Variants in MAX observed in about 807,000 individuals in gnomAD.
MAX encodes the protein MYC associated transcriptional regulator X.
A neutral mutation model predicts 22.3 loss-of-function variants in MAX; 3 were observed. The ratio of observed to expected loss-of-function variants is 0.13; its 90% CI spans 0.06 to 0.35. The LOEUF (loss-of-function observed/expected upper bound fraction) is 0.35, where lower values mean the gene tolerates loss of function less well. MAX is among the 10% of genes least tolerant of loss of function. The pLI is 1.00. For synonymous variants in MAX, 72 were observed against 77.7 expected, an observed-to-expected ratio of 0.93 and a Z score of 0.39; for missense variants, 119 against 209.4, an observed-to-expected ratio of 0.57 and a Z score of 2.66.
At chr14:65,008,501 C>A (rs1411914684) in intron 3 of MAX, among the ~76,000 whole-genome samples, 4 of 152,226 alleles carry the variant, frequency 2.6e-5, no homozygotes, top group Non-Finnish European at 5.9e-5. Context: ...CACAAATATA[C>A]AGTTACCGAT....
chr14:65,098,136 C>T (rs2063721456), intron 2 of MAX, among the ~76,000 whole-genome samples: 1 of 152,166 alleles, frequency 6.6e-6, no homozygotes, highest in Non-Finnish European at 1.5e-5. Flanking sequence ...TTCTTTTAGA[C>T]ATAAGAACAA....
At position 65,077,756 on chromosome 14, in the gene MAX, G is replaced by C. The variant is rs371900351; in HGVS notation, c.295+157C>G. 1.7e-4 allele frequency: 273 copies of C among 1,611,422 alleles called. No individual in the cohort carries two copies. The highest frequency in any genetic ancestry group is 2.3e-4 in the Non-Finnish European group (267 of 1,179,268). ...GCGCCTCAGGTCCTTCCTCAGGACG[G>C]CTCTAACACTCAGTTACTCAGGCCC... On this transcript the variant is annotated intron_variant, in intron 4 of 4. Transcript: ENST00000358664. The surrounding 1 kb of genome is among the most constrained non-coding windows in gnomAD (Gnocchi z 6.3).
intron 3 of MAX, chr14:65,015,807 T>TG: frequency 6.8e-7 from 1 of 1,469,858 alleles, no homozygotes; most frequent in Admixed American, 1.8e-5. Context: ...TTGTTTGGAA[T>TG]GGAAAAAAAC....
intron 3 of MAX, among the ~76,000 whole-genome samples, chr14:65,018,836 C>T (rs1472308563): frequency 2.0e-5 from 3 of 146,962 alleles, no homozygotes; most frequent in South Asian, 2.1e-4. Flanking sequence ...AAAGGCCAGG[C>T]GCGGTGGCTC....
chr14:65,056,635 T>A (rs140049746), intron 3 of MAX, among the ~76,000 whole-genome samples: 67 of 152,358 alleles, frequency 4.4e-4, no homozygotes, highest in Middle Eastern at 3.4e-3. Context: ...CTGCGAATTG[T>A]CTGCCAGTTC....
At chr14:65,098,505 T>C (rs575379671) in intron 2 of MAX, among the ~76,000 whole-genome samples, 1 of 152,214 alleles carries the variant, frequency 6.6e-6, no homozygotes, top group East Asian at 1.9e-4. Flanking sequence ...GGAAAAAAAA[T>C]TGCATTTCCT....
intron 2 of MAX, among the ~76,000 whole-genome samples, chr14:65,097,288 A>G (rs1016782778): frequency 6.6e-6 from 1 of 152,234 alleles, no homozygotes; most frequent in African/African-American, 2.4e-5. Context: ...ATCTAGGCTA[A>G]GGAGGTCTGT....
chr14:65,071,679 G>T (rs899271679), downstream of MAX, among the ~76,000 whole-genome samples: 2 of 152,248 alleles, frequency 1.3e-5, no homozygotes, highest in Non-Finnish European at 2.9e-5. This position sits in a 1 kb window ranked among gnomAD's most constrained non-coding sequence, Gnocchi z 4.2. Flanking sequence ...TGGCATGGCA[G>T]TCCAGACAGG....
In MAX at chr14:65,078,514, T is replaced by C. The variant is rs2063120954; in HGVS notation, c.172-478A>G. Among the ~76,000 whole-genome samples the C allele has an allele frequency of 6.7e-6, 1 of 149,426 alleles. No homozygotes were observed. Among genetic ancestry groups the C allele is most frequent in the African/African-American group, 2.5e-5 (1 of 40,582 alleles). ...GTGTGAGCCACTGCGCCCAGCCTGTTGTTGTTGTTGTTGTTGTTGTTTTTT... is the reference window on the plus strand; with the variant it reads ...GTGTGAGCCACTGCGCCCAGCCTGTCGTTGTTGTTGTTGTTGTTGTTTTTT... On this transcript the variant is annotated intron_variant, in intron 3 of 4. Coordinates refer to ENST00000358664, the MANE Select transcript of MAX (RefSeq NM_002382.5). The surrounding 1 kb of genome is among the most constrained non-coding windows in gnomAD (Gnocchi z 6.4).
Position 65,079,942 on chromosome 14 carries a change from A to C in MAX, c.172-1906T>G, listed in dbSNP as rs1049958432. Among the ~76,000 whole-genome samples the C allele has an allele frequency of 1.3e-5, 2 of 152,214 alleles. No homozygotes were observed. Among genetic ancestry groups the C allele is most frequent in the African/African-American group, 4.8e-5 (2 of 41,452 alleles). The stretch of plus-strand genomic sequence containing the variant: ...AGGTGCAAATTACGTACAAGATACT[A>C]GGCAGATACTGTGGGGAAACAAAAT... On this transcript the variant is annotated intron_variant, in intron 3 of 4. Transcript: ENST00000358664. This position sits in a 1 kb window ranked among gnomAD's most constrained non-coding sequence, Gnocchi z 4.5.
chr14:65,048,405 T>C (rs1027237808), intron 3 of MAX, among the ~76,000 whole-genome samples: 3 of 152,200 alleles, frequency 2.0e-5, no homozygotes, highest in Admixed American at 6.5e-5. Flanking sequence ...ATTGATCATA[T>C]TGCTAACTAA....
chr14:65,093,999 G>A lies in MAX; in HGVS notation c.64-184C>T. ...AGGCTCTGCTAAAGGGGGAGAAAGG[G>A]GTGAGCAACGCTTGCGACAGGAACA... On this transcript the variant is annotated intron_variant, in intron 2 of 4. Coordinates refer to ENST00000358664, the MANE Select transcript of MAX (RefSeq NM_002382.5). The surrounding 1 kb of genome is among the most constrained non-coding windows in gnomAD (Gnocchi z 4.4). 1 of 652,850 alleles carries A rather than the reference G, an allele frequency of 1.5e-6. No individual in the cohort carries two copies. Among genetic ancestry groups the A allele is most frequent in the South Asian group, 1.6e-5 (1 of 61,618 alleles). The allele number at this position is 652,850 out of a possible 1,614,324, so 40.4% of individuals were successfully genotyped here. A position where few individuals can be genotyped will look rare whatever the true frequency, so the allele number is the denominator to read the frequency against.
chr14:65,026,264 G>T (rs565164633), intron 3 of MAX, among the ~76,000 whole-genome samples: 1 of 152,186 alleles, frequency 6.6e-6, no homozygotes, highest in African/African-American at 2.4e-5. Context: ...ACCCTTTCTG[G>T]TGCACTTCGG....
rs2062113870 is a variant in MAX, at chr14:65,032,913, A to AG, written c.172-26630_172-26629insC. On this transcript the variant is annotated intron_variant, in intron 3 of 3. Transcript: ENST00000341653. This position sits in a 1 kb window ranked among gnomAD's most constrained non-coding sequence, Gnocchi z 5.0. ...TTATATTTTAGATTGGCAAAGATAA[A>AG]AAACTTTGGTAAACAATATTAGTGA... Among the ~76,000 whole-genome samples the AG allele has an allele frequency of 6.6e-6, 1 of 152,114 alleles. No homozygotes were observed. Among genetic ancestry groups the AG allele is most frequent in the Non-Finnish European group, 1.5e-5 (1 of 68,010 alleles).
intron 3 of MAX, among the ~76,000 whole-genome samples, chr14:65,038,285 C>T (rs2062261368): frequency 6.6e-6 from 1 of 151,680 alleles, no homozygotes; most frequent in Non-Finnish European, 1.5e-5. Flanking sequence ...TGGTGGGTAC[C>T]TGTAATCCCA....
chr14:65,021,990 C>T, intron 3 of MAX: 1 of 456,020 alleles, frequency 2.2e-6, no homozygotes, highest in Non-Finnish European at 4.4e-6. Flanking sequence ...AGAACAGCAG[C>T]CATCCAGAGA....
At chr14:65,102,533 C>G, upstream of MAX, 1 of 1,449,278 alleles carries the variant, frequency 6.9e-7, no homozygotes. Flanking sequence ...ACCGGATCAA[C>G]GGCGGCACGC....
intron 3 of MAX, chr14:65,040,747 C>T: frequency 6.3e-7 from 1 of 1,599,706 alleles, no homozygotes; most frequent in East Asian, 2.2e-5. Context: ...TGTGTACGTC[C>T]ACTCACTGGC....
chr14:65,076,892 C>T lies in MAX; in HGVS notation c.296-229G>A. On this transcript the variant is annotated intron_variant, in intron 4 of 4. Coordinates refer to ENST00000358664, the MANE Select transcript of MAX (RefSeq NM_002382.5). This position sits in a 1 kb window ranked among gnomAD's most constrained non-coding sequence, Gnocchi z 6.6. Reference sequence around the variant, plus strand: ...CCAGCAGACACTCTGCAATCCCACCCAACTCTGAAGAGAAGGCTTGTGATG... The same window carrying T: ...CCAGCAGACACTCTGCAATCCCACCTAACTCTGAAGAGAAGGCTTGTGATG... 4.8e-6 allele frequency: 3 copies of T among 627,836 alleles called. No individual in the cohort carries two copies. The South Asian group carries it at 5.4e-5, about 11-fold the overall frequency. The allele number at this position is 627,836 out of a possible 1,614,324, so 38.9% of individuals were successfully genotyped here. A position where few individuals can be genotyped will look rare whatever the true frequency, so the allele number is the denominator to read the frequency against.
Sources: allele counts gnomAD v4.1 joint callset (sites outside exome capture counted in the v4.1 genomes callset), GRCh38; gene constraint gnomAD v4.1.1; non-coding constraint Gnocchi (gnomAD v3.1); transcripts MANE v1.5; gene names NCBI Gene and HGNC (gene_info 2026-07-23, HGNC 2026-07-21).